C8orf34: variants seen among roughly 807,000 people sequenced by gnomAD.
C8orf34 encodes uncharacterized protein C8orf34.
In C8orf34, 65 loss-of-function variants were observed where a neutral mutation model predicts 68.3. The observed-to-expected ratio is 0.95, with a 90% CI of 0.78 to 1.17. The LOEUF is 1.17. Ranked by LOEUF, C8orf34 falls within the 50% of genes most tolerant of loss-of-function variation. The pLI is 0.00. For synonymous variants in C8orf34, 244 were observed against 241.2 expected, an observed-to-expected ratio of 1.01 and a Z score of -0.11; for missense variants, 664 against 655.4, an observed-to-expected ratio of 1.01 and a Z score of -0.14.
intron 8 of C8orf34, among the ~76,000 whole-genome samples, chr8:68,679,105 G>C (rs527613479): frequency 1.4e-4 from 22 of 151,988 alleles, no homozygotes; most frequent in Non-Finnish European, 2.8e-4. Flanking sequence ...TCGAAACACA[G>C]TGAAACCCTG....
chr8:68,743,978 G>A (rs1399765142), intron 10 of C8orf34, among the ~76,000 whole-genome samples: 1 of 152,098 alleles, frequency 6.6e-6, no homozygotes, highest in African/African-American at 2.4e-5. Context: ...AGACTTAAAT[G>A]TCCCTGTCTG....
chr8:68,399,089 C>T (rs1039414974), intron 1 of C8orf34, among the ~76,000 whole-genome samples: 1 of 152,060 alleles, frequency 6.6e-6, no homozygotes, highest in Non-Finnish European at 1.5e-5. Flanking sequence ...CAGGATGAAA[C>T]TGTATTTATT....
chr8:68,613,971 T>C (rs1818109846), intron 7 of C8orf34, among the ~76,000 whole-genome samples: 1 of 152,202 alleles, frequency 6.6e-6, no homozygotes, highest in Non-Finnish European at 1.5e-5. Flanking sequence ...GACTTTTTAA[T>C]GATTGGCATT....
chr8:68,800,037 CA>C (rs758093577), intron 12 of C8orf34, among the ~76,000 whole-genome samples: 2 of 152,098 alleles, frequency 1.3e-5, no homozygotes, highest in African/African-American at 2.4e-5. Flanking sequence ...ACATTAGACA[CA>C]GGGGGTGAGA....
At chr8:68,525,637 A>C in intron 6 of C8orf34, 2 of 731,166 alleles carry the variant, frequency 2.7e-6, no homozygotes, top group Non-Finnish European at 5.0e-6. Flanking sequence ...GGAGCAGATT[A>C]TGCTGCCATT....
intron 11 of C8orf34, 89 bp downstream of exon 11, chr8:68,776,538 T>C: frequency 2.0e-6 from 2 of 986,086 alleles, no homozygotes; most frequent in Non-Finnish European, 1.6e-6. Flanking sequence ...CATCTACTTG[T>C]AGGGTTTCTA....
At chr8:68,806,552 C>T (rs893604094) in intron 12 of C8orf34, among the ~76,000 whole-genome samples, 1 of 152,012 alleles carries the variant, frequency 6.6e-6, no homozygotes, top group Non-Finnish European at 1.5e-5. Flanking sequence ...TTTTTAGTCA[C>T]CTGTTAGATT....
At chr8:68,472,533 A>ATC (rs1812425942) in intron 4 of C8orf34, among the ~76,000 whole-genome samples, 5 of 152,148 alleles carry the variant, frequency 3.3e-5, no homozygotes, top group Non-Finnish European at 7.4e-5. Flanking sequence ...CTCAAAGAGG[A>ATC]AAAGATGCAA....
chr8:68,775,686 G>C (rs533269364), intron 10 of C8orf34, among the ~76,000 whole-genome samples: 1 of 152,206 alleles, frequency 6.6e-6, no homozygotes, highest in East Asian at 1.9e-4. Context: ...ATAGAATATA[G>C]AATTTGCGAC....
intron 10 of C8orf34, among the ~76,000 whole-genome samples, chr8:68,725,484 A>C (rs527769336): frequency 1.3e-4 from 20 of 152,306 alleles, no homozygotes; most frequent in African/African-American, 4.8e-4. Context: ...CCTCCTGGAG[A>C]GTTTTATCTA....
At chr8:68,468,519 T>A (rs933772851) in intron 3 of C8orf34, among the ~76,000 whole-genome samples, 173 bp from the exon 4 acceptor site, 10 of 152,064 alleles carry the variant, frequency 6.6e-5, no homozygotes, top group Admixed American at 2.6e-4. Flanking sequence ...AAATATTTTC[T>A]TTAAGCCTGG....
chr8:68,412,441 A>G (rs1463134186), intron 1 of C8orf34, among the ~76,000 whole-genome samples: 1 of 152,128 alleles, frequency 6.6e-6, no homozygotes, highest in Non-Finnish European at 1.5e-5. Context: ...TTAAAAATAG[A>G]CCTGTCTTTG....
At chr8:68,556,859 G>A (rs1265818246) in intron 7 of C8orf34, among the ~76,000 whole-genome samples, 1 of 152,092 alleles carries the variant, frequency 6.6e-6, no homozygotes, top group Admixed American at 6.5e-5. Flanking sequence ...CACAAATGTT[G>A]ATTCTAGTAG....
At chr8:68,779,452 T>G (rs1487098891) in intron 11 of C8orf34, among the ~76,000 whole-genome samples, 1 of 151,904 alleles carries the variant, frequency 6.6e-6, no homozygotes, top group Non-Finnish European at 1.5e-5. Context: ...TACATGGGAG[T>G]GCGAACTTAC....
chr8:68,597,984 T>C (rs1817595719), intron 7 of C8orf34, among the ~76,000 whole-genome samples: 1 of 152,182 alleles, frequency 6.6e-6, no homozygotes, highest in Admixed American at 6.5e-5. Flanking sequence ...AGAACATTAA[T>C]ATTTTGATGA....
chr8:68,704,569 A>G (rs1337143669), intron 8 of C8orf34, among the ~76,000 whole-genome samples: 2 of 152,106 alleles, frequency 1.3e-5, no homozygotes, highest in Admixed American at 1.3e-4. Context: ...TAAAAATGGT[A>G]GTTCTAAAAT....
intron 8 of C8orf34, among the ~76,000 whole-genome samples, chr8:68,683,292 T>G (rs1585723829): frequency 6.6e-6 from 1 of 151,918 alleles, no homozygotes; most frequent in East Asian, 1.9e-4. Flanking sequence ...AGAATTCATA[T>G]AAGACTATCA....
In C8orf34 at chr8:68,373,040, G is replaced by C. The variant is rs565262866; in HGVS notation, c.327+41701G>C. Among the ~76,000 whole-genome samples, 147 of 152,180 alleles carry C rather than the reference G, an allele frequency of 9.7e-4. 2 individuals are homozygous for C. Among genetic ancestry groups the C allele is most frequent in the African/African-American group, 3.3e-3 (138 of 41,518 alleles). On this transcript the variant is annotated intron_variant, in intron 1 of 13. Transcript: ENST00000518698. ...GACAGAGTTTTGCTCTTGTTGCCCA[G>C]CCTGGAGTGCAATGGCGCAATCTCA...
At chr8:68,589,792 G>C (rs892529087) in intron 7 of C8orf34, among the ~76,000 whole-genome samples, 3 of 146,014 alleles carry the variant, frequency 2.1e-5, no homozygotes, top group African/African-American at 7.6e-5. Context: ...GGTGGAGAGA[G>C]AAGGGAATCA....
Sources: allele counts gnomAD v4.1 joint callset (sites outside exome capture counted in the v4.1 genomes callset), GRCh38; gene constraint gnomAD v4.1.1; transcripts MANE v1.5; gene names NCBI Gene and HGNC (gene_info 2026-07-23, HGNC 2026-07-21).